Variants in DTHD1 observed in about 807,000 individuals in gnomAD.
DTHD1 encodes death domain-containing protein 1.
A neutral mutation model predicts 74.8 loss-of-function variants in DTHD1; 59 were observed. That is an observed-to-expected ratio of 0.79 (90% CI 0.64 to 0.98). DTHD1 has a LOEUF of 0.98. Among genes scored for constraint, DTHD1 ranks in the 50% least tolerant of loss-of-function variants. The probability of loss-of-function intolerance (pLI) is 0.00; values close to 1 mark genes in which losing one functional copy is unlikely to be tolerated. For missense variants in DTHD1, 1,051 were observed against 1,065.4 expected (o/e 0.99, Z 0.19); for synonymous variants, 365 against 371.1 (o/e 0.98, Z 0.19).
intron 5 of DTHD1, among the ~76,000 whole-genome samples, chr4:36,303,477 C>A (rs543931073): frequency 8.3e-4 from 127 of 152,252 alleles, no homozygotes; most frequent in African/African-American, 2.7e-3. Flanking sequence ...ATTTTTTCCT[C>A]AACCAGGAAG....
chr4:36,301,109 A>T (rs1337372052), intron 5 of DTHD1, among the ~76,000 whole-genome samples: 1 of 152,136 alleles, frequency 6.6e-6, no homozygotes, highest in African/African-American at 2.4e-5. Context: ...AAATCTTTTG[A>T]ATATTGTTTA....
intron 8 of DTHD1, among the ~76,000 whole-genome samples, chr4:36,338,483 A>C (rs1759132947): frequency 6.6e-6 from 1 of 151,846 alleles, no homozygotes; most frequent in Admixed American, 6.6e-5. Flanking sequence ...CTGAGCATTT[A>C]AATAAATTCT....
chr4:36,329,595 T>C lies in DTHD1; in HGVS notation c.2341-9517T>C, dbSNP rs531751036. 6.7e-4 allele frequency among the ~76,000 whole-genome samples: 102 copies of C among 152,364 alleles called. No individual in the cohort carries two copies. The South Asian group carries it at 6.8e-3, about 10-fold the overall frequency. On this transcript the variant is annotated intron_variant, in intron 8 of 9. Coordinates refer to ENST00000639862, the MANE Select transcript of DTHD1 (RefSeq NM_001170700.3). ...AAATACTTCTCATATAAGTTTATAC[T>C]GAATGATATGACTCACAGCAAATAA...
chr4:36,287,291 C>T (rs1348400664), intron 2 of DTHD1, among the ~76,000 whole-genome samples: 4 of 152,180 alleles, frequency 2.6e-5, no homozygotes, highest in African/African-American at 9.7e-5. Flanking sequence ...ATCCAGGTTG[C>T]TGTGAATGCC....
At chr4:36,337,129 A>G (rs1759053416) in intron 8 of DTHD1, among the ~76,000 whole-genome samples, 1 of 152,134 alleles carries the variant, frequency 6.6e-6, no homozygotes, top group Admixed American at 6.5e-5. Flanking sequence ...GGTAGTGTGC[A>G]AAGCGAAAAG....
intron 5 of DTHD1, among the ~76,000 whole-genome samples, chr4:36,299,807 A>G (rs1756652478): frequency 6.6e-6 from 1 of 152,046 alleles, no homozygotes; most frequent in African/African-American, 2.4e-5. Context: ...CTTTTAATCT[A>G]TTATTTGAGT....
At chr4:36,324,993 G>A (rs1758258481) in intron 8 of DTHD1, among the ~76,000 whole-genome samples, 1 of 152,156 alleles carries the variant, frequency 6.6e-6, no homozygotes, top group Non-Finnish European at 1.5e-5. Context: ...AAGAGAGATG[G>A]CATGAGTAGA....
chr4:36,340,326 A>G (rs989480338), intron 9 of DTHD1, among the ~76,000 whole-genome samples: 5 of 152,240 alleles, frequency 3.3e-5, no homozygotes, highest in African/African-American at 9.6e-5. Context: ...CAGGTGAACC[A>G]AAACTGACAG....
At chr4:36,332,007 C>T (rs2109558842) in intron 8 of DTHD1, among the ~76,000 whole-genome samples, 1 of 152,132 alleles carries the variant, frequency 6.6e-6, no homozygotes, top group Non-Finnish European at 1.5e-5. Flanking sequence ...TCTGGCCGGG[C>T]GCAGTAGCTC....
chr4:36,322,669 C>T (rs1293522432), intron 8 of DTHD1, among the ~76,000 whole-genome samples: 2 of 152,114 alleles, frequency 1.3e-5, no homozygotes, highest in Non-Finnish European at 2.9e-5. Flanking sequence ...AGTAAGCGTC[C>T]TGGTGATACT....
intron 5 of DTHD1, among the ~76,000 whole-genome samples, chr4:36,296,393 T>C (rs1274133622): frequency 6.6e-6 from 1 of 152,124 alleles, no homozygotes; most frequent in East Asian, 1.9e-4. Context: ...GCAAGTATTA[T>C]TCTTATTTTT....
chr4:36,313,777 T>A (rs562797946), intron 7 of DTHD1, among the ~76,000 whole-genome samples: 3 of 152,336 alleles, frequency 2.0e-5, no homozygotes, highest in African/African-American at 4.8e-5. Flanking sequence ...TTCTTATGAA[T>A]AATTGTGCCC....
At chr4:36,326,582 C>A (rs1758359445) in intron 8 of DTHD1, among the ~76,000 whole-genome samples, 1 of 152,210 alleles carries the variant, frequency 6.6e-6, no homozygotes, top group African/African-American at 2.4e-5. Flanking sequence ...AGACTGAGTT[C>A]CTCAGGGTTG....
At chr4:36,327,086 C>T (rs1758395541) in intron 8 of DTHD1, among the ~76,000 whole-genome samples, 1 of 152,000 alleles carries the variant, frequency 6.6e-6, no homozygotes, top group Non-Finnish European at 1.5e-5. Context: ...CCTGTCTCAG[C>T]CTCCCAAGTA....
At chr4:36,311,379 T>C (rs963616009) in intron 7 of DTHD1, 1 of 152,140 alleles carries the variant, frequency 6.6e-6, no homozygotes, top group Non-Finnish European at 1.5e-5. Flanking sequence ...AGATCCATCC[T>C]TTTATCAGGG....
At position 36,284,154 on chromosome 4, in the gene DTHD1, A is replaced by T; in HGVS notation, c.450A>T (p.Arg150Ser). ...CCAAAGCAGCAGACATTGCTGCAAG[A>T]GGGGAACTAAATGTCATAGAAACAG... ...QDTKAADIAARGELNVIETAT... is the reference protein window; with the variant it reads ...QDTKAADIAASGELNVIETAT... The change falls in exon 2 of 10, where the codon AGA (arginine) becomes AGT (serine). Residue 150 changes from arginine to serine, a missense_variant. Transcript: ENST00000639862. 6.5e-7 allele frequency: 1 copy of T among 1,537,230 alleles called. No homozygotes were observed. Among genetic ancestry groups the T allele is most frequent in the Non-Finnish European group, 8.7e-7 (1 of 1,146,880 alleles).
At position 36,281,985 on chromosome 4, in the gene DTHD1, T is replaced by G. The variant is rs748863988; in HGVS notation, c.227T>G (p.Leu76Arg). The G allele has an allele frequency of 6.6e-7, 1 of 1,513,766 alleles. No individual in the cohort carries two copies. The highest frequency in any genetic ancestry group is 1.3e-5 in the South Asian group (1 of 78,044). The allele number at this position is 1,513,766 out of a possible 1,614,324, so 93.8% of individuals were successfully genotyped here. Residue 76 changes from leucine (L) to arginine (R), a missense_variant, in exon 1 of 10, where the codon CTG (leucine) becomes CGG (arginine). Physicochemically the swap from Leu to Arg is moderately radical, Grantham distance 102. Coordinates refer to ENST00000639862, the MANE Select transcript of DTHD1 (RefSeq NM_001170700.3). ...ACCCTGCGTTCCACCTGCCAGCAGC[T>G]GCATGTGCTGCTTGACAAAGAGAAT... ...SGTLRSTCQQ[L>R]HVLLDKENQC...
chr4:36,294,206 A>G (rs1050287517), intron 4 of DTHD1, among the ~76,000 whole-genome samples: 1 of 152,040 alleles, frequency 6.6e-6, no homozygotes, highest in African/African-American at 2.4e-5. Context: ...ATTTTACAAG[A>G]TTTATTTCCT....
intron 8 of DTHD1, among the ~76,000 whole-genome samples, chr4:36,319,384 G>A (rs1757930606): frequency 6.6e-6 from 1 of 152,232 alleles, no homozygotes; most frequent in Non-Finnish European, 1.5e-5. Context: ...CTGTTCCGTA[G>A]TTTAGAGCCT....
Sources: gnomAD v4.1 joint callset for allele counts (sites outside exome capture counted in the v4.1 genomes callset) on GRCh38, gnomAD v4.1.1 for gene constraint, MANE v1.5 for transcripts, NCBI Gene and HGNC (gene_info 2026-07-23, HGNC 2026-07-21) for gene names.